The following NEK10 variants were observed in gnomAD, a reference collection of about 807,000 sequenced individuals.
The protein encoded by NEK10 is serine/threonine-protein kinase Nek10.
In NEK10, 122 loss-of-function variants were observed where a neutral mutation model predicts 159.8. The observed-to-expected ratio is 0.76, with a 90% CI of 0.66 to 0.89. The LOEUF (loss-of-function observed/expected upper bound fraction) is 0.89, where lower values mean the gene tolerates loss of function less well. Ranked by LOEUF, NEK10 falls within the 40% of genes least tolerant of loss-of-function variation. NEK10 has a pLI of 0.00. For synonymous variants in NEK10, 466 were observed against 457.1 expected, an observed-to-expected ratio of 1.02 and a Z score of -0.25; for missense variants, 1,342 against 1,323.1, an observed-to-expected ratio of 1.01 and a Z score of -0.22.
Position 27,256,304 on chromosome 3 carries a change from C to A in NEK10, c.2082G>T (p.Leu694=), listed in dbSNP as rs761534511. 5 of 1,512,070 alleles carry A rather than the reference C, an allele frequency of 3.3e-6. No homozygotes were observed. In the East Asian group the frequency reaches 1.2e-4, roughly 37 times the overall value. 93.7% of individuals were successfully genotyped at this position (1,512,070 alleles called of 1,614,324 possible). Residue 694 remains leucine (L), a synonymous_variant, in exon 23 of 36, where the codon CTG becomes CTT. Coordinates refer to ENST00000691995, the MANE Select transcript of NEK10 (RefSeq NM_001394966.1). ...AAAAGAATTGTCCTTACCAAGAATA[C>A]AGGATTGTTCCAACCACAGAGGTGA... ...SKLTSVVGTI[L]YSCPEVLKSE... is the part of the protein sequence containing the mutation.
chr3:27,363,338 A>G (rs1219653362), intron 1 of NEK10, among the ~76,000 whole-genome samples: 2 of 152,210 alleles, frequency 1.3e-5, no homozygotes, highest in Non-Finnish European at 2.9e-5. Context: ...CCATTAGTTT[A>G]CTGTAAACTA....
chr3:27,228,090 C>A (rs900548711), intron 23 of NEK10, among the ~76,000 whole-genome samples: 1 of 152,148 alleles, frequency 6.6e-6, no homozygotes, highest in African/African-American at 2.4e-5. Context: ...AATGAATATT[C>A]CTAGTCACTG....
At chr3:27,299,002 A>G (rs756835841) in intron 13 of NEK10, among the ~76,000 whole-genome samples, 12 of 152,242 alleles carry the variant, frequency 7.9e-5, no homozygotes, top group Non-Finnish European at 1.6e-4. Context: ...GCAATAGAAA[A>G]GAAAATCTAA....
intron 6 of NEK10, among the ~76,000 whole-genome samples, chr3:27,321,560 C>A (rs2045638316): frequency 6.6e-6 from 1 of 152,172 alleles, no homozygotes; most frequent in Non-Finnish European, 1.5e-5. Flanking sequence ...GTAGTCCCAG[C>A]TACTCAGGAG....
chr3:27,231,626 G>A (rs1233697358), intron 23 of NEK10, among the ~76,000 whole-genome samples: 2 of 151,754 alleles, frequency 1.3e-5, no homozygotes, highest in African/African-American at 4.8e-5. Flanking sequence ...GAAGAGAGAA[G>A]ATCCAAATAA....
rs569884804 is a variant in NEK10, at chr3:27,109,904, A to T, written c.*1368T>A. On this transcript the variant is annotated 3_prime_UTR_variant, in exon 36 of 36. Coordinates refer to ENST00000691995, the MANE Select transcript of NEK10 (RefSeq NM_001394966.1). ...TGACAATCTTCAAAAGCATTAGTGC[A>T]TGATTAAAGGGAATTTGGATATAAT... Among the ~76,000 whole-genome samples the T allele has an allele frequency of 5.9e-5, 9 of 152,328 alleles. No homozygotes were observed. The highest frequency in any genetic ancestry group is 2.2e-4 in the African/African-American group (9 of 41,584).
At chr3:27,185,011 T>C (rs185677018) in intron 26 of NEK10, among the ~76,000 whole-genome samples, 151 of 152,334 alleles carry the variant, frequency 9.9e-4, no homozygotes, top group African/African-American at 3.4e-3. Flanking sequence ...AATTCTTATA[T>C]GCTCAACTTT....
chr3:27,244,888 GC>G (rs34000452), intron 23 of NEK10, among the ~76,000 whole-genome samples: 2,510 of 152,202 alleles, frequency 0.016, 79 homozygotes, highest in African/African-American at 0.058. Context: ...AGCTTGCCTA[GC>G]AGCTCCAGAA....
chr3:27,203,051 T>C (rs1950186948), intron 23 of NEK10, among the ~76,000 whole-genome samples: 1 of 152,178 alleles, frequency 6.6e-6, no homozygotes. Flanking sequence ...CTTCCATTTA[T>C]CCTTCTAGGA....
chr3:27,116,408 G>A (rs374111237), intron 33 of NEK10, among the ~76,000 whole-genome samples: 33 of 152,254 alleles, frequency 2.2e-4, no homozygotes, highest in African/African-American at 7.9e-4. Flanking sequence ...AGGTGTGTGT[G>A]TGTATGTGTT....
intron 26 of NEK10, among the ~76,000 whole-genome samples, 153 bp from the exon 27 acceptor site, chr3:27,174,986 A>G (rs1947365986): frequency 6.6e-6 from 1 of 152,220 alleles, no homozygotes; most frequent in South Asian, 2.1e-4. Context: ...TACACCTGTT[A>G]CAGAATCTAT....
chr3:27,149,121 A>G (rs1421882268), intron 30 of NEK10, among the ~76,000 whole-genome samples: 1 of 150,986 alleles, frequency 6.6e-6, no homozygotes, highest in Non-Finnish European at 1.5e-5. Flanking sequence ...TTTAATAAAA[A>G]TAAAATATTT....
At chr3:27,145,220 G>A (rs1273132937) in intron 30 of NEK10, among the ~76,000 whole-genome samples, 9 of 151,612 alleles carry the variant, frequency 5.9e-5, no homozygotes, top group Non-Finnish European at 1.3e-4. Context: ...AAGAGACATC[G>A]GTGAGGCTGA....
rs140663460 is a variant in NEK10 at position 27,129,527 on chromosome 3, G to T, written c.3081+2353C>A. Among the ~76,000 whole-genome samples, 839 of 152,136 alleles carry T rather than the reference G, an allele frequency of 5.5e-3. 7 individuals carry two copies. The highest frequency in any genetic ancestry group is 0.018 in the African/African-American group (765 of 41,504). ...CTATCAAAAGATTATACCAGAAAAG[G>T]GGTAAAAATGGAGGTCACAAACTCT... On this transcript the variant is annotated intron_variant, in intron 32 of 35. Transcript: ENST00000691995.
chr3:27,148,388 A>C (rs1944510500), intron 30 of NEK10, among the ~76,000 whole-genome samples: 1 of 152,170 alleles, frequency 6.6e-6, no homozygotes, highest in Admixed American at 6.5e-5. Context: ...ATAGATTCTT[A>C]GCTACTGGTG....
At chr3:27,347,938 G>A (rs1005735571) in intron 3 of NEK10, among the ~76,000 whole-genome samples, 3 of 152,158 alleles carry the variant, frequency 2.0e-5, no homozygotes, top group Admixed American at 2.0e-4. Context: ...CTAGGGTTAT[G>A]AAAATTGCAT....
chr3:27,359,757 C>T (rs1575926436), intron 1 of NEK10, among the ~76,000 whole-genome samples: 1 of 152,136 alleles, frequency 6.6e-6, no homozygotes, highest in South Asian at 2.1e-4. Flanking sequence ...GAATTCTGTG[C>T]TGTTTTTGCA....
chr3:27,362,107 G>A (rs1313195813), intron 1 of NEK10, among the ~76,000 whole-genome samples: 1 of 152,206 alleles, frequency 6.6e-6, no homozygotes, highest in South Asian at 2.1e-4. Flanking sequence ...GAAATCAGAG[G>A]AAAGATTATA....
At chr3:27,155,820 T>A (rs577542812) in intron 30 of NEK10, among the ~76,000 whole-genome samples, 1 of 151,294 alleles carries the variant, frequency 6.6e-6, no homozygotes, top group South Asian at 2.1e-4. Context: ...CAAAAAGGAG[T>A]CTGCATAGCC....
Sources: gnomAD v4.1 joint callset for allele counts (sites outside exome capture counted in the v4.1 genomes callset) on GRCh38, gnomAD v4.1.1 for gene constraint, MANE v1.5 for transcripts, NCBI Gene and HGNC (gene_info 2026-07-23, HGNC 2026-07-21) for gene names.